SLC39A13: variants seen among roughly 807,000 people sequenced by gnomAD.
The protein encoded by SLC39A13 is zinc transporter ZIP13.
A neutral mutation model predicts 38.7 loss-of-function variants in SLC39A13; 18 were observed. The ratio of observed to expected loss-of-function variants is 0.47; its 90% CI spans 0.32 to 0.69. The LOEUF is 0.69. SLC39A13 is among the 30% of genes least tolerant of loss of function. The probability of loss-of-function intolerance (pLI) is 0.03; values close to 1 mark genes in which losing one functional copy is unlikely to be tolerated. For synonymous variants in SLC39A13, 212 were observed against 219.1 expected (o/e 0.97, Z 0.29); for missense variants, 395 against 490.7 (o/e 0.80, Z 1.84).
chr11:47,415,471 T>C lies in SLC39A13; in HGVS notation c.*108T>C, dbSNP rs775231177. On this transcript the variant is annotated 3_prime_UTR_variant, in exon 10 of 10. Transcript: ENST00000362021. The stretch of plus-strand genomic sequence containing the variant: ...GAGGGCGAGTGGCTGCGAGAGAGAA[T>C]GAGCCTCCCGCCAGACAGGAGGGAG... 2.3e-5 allele frequency: 29 copies of C among 1,280,546 alleles called. No homozygotes were observed. Among genetic ancestry groups the C allele is most frequent in the Admixed American group, 5.3e-5 (3 of 56,450 alleles). 79.3% of individuals were successfully genotyped at this position (1,280,546 alleles called of 1,614,324 possible).
At chr11:47,414,498 C>T (rs942826283) in intron 7 of SLC39A13, 23 bp downstream of exon 7, 1 of 1,609,408 alleles carries the variant, frequency 6.2e-7, no homozygotes, top group East Asian at 2.2e-5. Context: ...AGGGCAGCCC[C>T]CAGGGGCCCA....
chr11:47,409,815 C>T (rs960241494), intron 1 of SLC39A13: 2 of 431,778 alleles, frequency 4.6e-6, no homozygotes, highest in South Asian at 5.2e-5. Context: ...AGCGCCTCAC[C>T]CTGTCATTAG....
rs2096010594 is a variant in SLC39A13 at position 47,413,572 on chromosome 11, G to A, written c.646-25G>A. The A allele has an allele frequency of 1.9e-6, 3 of 1,614,146 alleles. No homozygotes were observed. The South Asian group carries it at 3.3e-5, about 18-fold the overall frequency. ...TGAGTGGCCAGCCCCACTCAGCCCT[G>A]CCTCCTGCCTTCCCTCCTTCCCAGG... is the stretch of plus-strand genomic sequence containing the variant. On this transcript the variant is annotated intron_variant, in intron 5 of 9. Transcript: ENST00000362021.
chr11:47,414,078 C>G, intron 6 of SLC39A13: 1 of 611,742 alleles, frequency 1.6e-6, no homozygotes, highest in Non-Finnish European at 2.9e-6. Context: ...CTTCGAGCGG[C>G]TGACGACTCA....
intron 7 of SLC39A13, 38 bp from the exon 8 acceptor site, chr11:47,414,739 C>T (rs369559443): frequency 1.6e-5 from 26 of 1,601,774 alleles, no homozygotes; most frequent in South Asian, 7.7e-5. Flanking sequence ...CATCAGGCCC[C>T]GCTGGGGCGC....
rs1261737989 is a variant in SLC39A13 at position 47,415,272 on chromosome 11, C to T, written c.1041-16C>T. ...CCCTGCCCATGCCTCCACCGTGAGC[C>T]GTTCCCTCCCCACAGGCGCTCCCTG... On this transcript the variant is annotated splice_polypyrimidine_tract_variant and intron_variant, in intron 9 of 9. Transcript: ENST00000362021. 3.7e-6 allele frequency: 6 copies of T among 1,613,770 alleles called. No homozygotes were observed. The highest frequency in any genetic ancestry group is 2.2e-5 in the South Asian group (2 of 91,084).
intron 6 of SLC39A13, 111 bp downstream of exon 6, chr11:47,413,797 T>A: frequency 1.7e-6 from 2 of 1,176,778 alleles, no homozygotes; most frequent in Non-Finnish European, 2.5e-6. Context: ...CGCCCTCATC[T>A]AAGGCTCTCA....
In SLC39A13 at chr11:47,415,430, A is replaced by C. The variant is rs892179270; in HGVS notation, c.*67A>C. On this transcript the variant is annotated 3_prime_UTR_variant, in exon 10 of 10. Coordinates refer to ENST00000362021, the MANE Select transcript of SLC39A13 (RefSeq NM_001128225.3). ...ATGCTCGGATTCACTCTGTGACCGC[A>C]TATGTGAGAGGCAGAGAGGGCGAGT... is the stretch of plus-strand genomic sequence containing the variant. 3.8e-6 allele frequency: 6 copies of C among 1,567,302 alleles called. No individual in the cohort carries two copies. The highest frequency in any genetic ancestry group is 3.3e-5 in the Admixed American group (2 of 59,926).
Position 47,415,488 on chromosome 11 carries a change from A to T in SLC39A13, c.*125A>T. On this transcript the variant is annotated 3_prime_UTR_variant, in exon 10 of 10. Coordinates refer to ENST00000362021, the MANE Select transcript of SLC39A13 (RefSeq NM_001128225.3). The stretch of plus-strand genomic sequence containing the variant: ...AGAGAGAATGAGCCTCCCGCCAGAC[A>T]GGAGGGAGGTGCGTGTGGATGTATG... 4.7e-6 allele frequency: 5 copies of T among 1,063,208 alleles called. No homozygotes were observed. Among genetic ancestry groups the T allele is most frequent in the Non-Finnish European group, 7.2e-6 (5 of 698,696 alleles). 65.9% of individuals were successfully genotyped at this position (1,063,208 alleles called of 1,614,324 possible). A position where few individuals can be genotyped will look rare whatever the true frequency, so the allele number is the denominator to read the frequency against.
chr11:47,413,311 C>G, intron 4 of SLC39A13, 89 bp from the exon 5 acceptor site: 6 of 1,356,434 alleles, frequency 4.4e-6, no homozygotes, highest in Non-Finnish European at 6.3e-6. Context: ...CAGCCCCCGT[C>G]TCTCTTTCTC....
chr11:47,414,712 T>C (rs919069511), intron 7 of SLC39A13, 65 bp from the exon 8 acceptor site: 28 of 1,596,498 alleles, frequency 1.8e-5, no homozygotes, highest in African/African-American at 2.7e-5. Context: ...GTGTATATCG[T>C]ACCTGAGCAC....
intron 2 of SLC39A13, 90 bp from the exon 3 acceptor site, chr11:47,411,836 C>A: frequency 7.7e-7 from 1 of 1,304,590 alleles, no homozygotes; most frequent in Non-Finnish European, 1.1e-6. Context: ...CCTTGCAGGC[C>A]CAGAAAGAGC....
At position 47,415,044 on chromosome 11, in the gene SLC39A13, T is replaced by C; in HGVS notation, c.925T>C (p.Cys309Arg). 6.2e-7 allele frequency: 1 copy of C among 1,613,216 alleles called. No individual in the cohort carries two copies. The highest frequency in any genetic ancestry group is 8.5e-7 in the Non-Finnish European group (1 of 1,179,668). Residue 309 changes from cysteine (C) to arginine (R), a missense_variant, in exon 9 of 10, where the codon TGT becomes CGT. By Grantham distance (180) the Cys-to-Arg change is radical. Transcript: ENST00000362021. ...ACAGTGCCTTGGGTACCCAGTTGGG[T>C]GTTCTCCCGCTGCAGAGGAGACGGC... ...CTQSPKGVVG[C>R]SPAAEETAAW... is the part of the protein sequence containing the mutation.
chr11:47,414,097 G>A, intron 6 of SLC39A13: 1 of 608,650 alleles, frequency 1.6e-6, no homozygotes, highest in Non-Finnish European at 2.9e-6. Context: ...CATCCTTGGG[G>A]CCTCGACTTA....
At position 47,413,457 on chromosome 11, in the gene SLC39A13, G is replaced by A. The variant is rs1194229755; in HGVS notation, c.595G>A (p.Ala199Thr). ...AAALNGGHCL[A>T]QPAAEPGLGA... Reference sequence around the variant, plus strand: ...CGCGCTCAATGGAGGCCACTGTCTGGCCCAGCCGGCTGCAGAGCCCGGCCT... The same window carrying A: ...CGCGCTCAATGGAGGCCACTGTCTGACCCAGCCGGCTGCAGAGCCCGGCCT... The change falls in exon 5 of 10, where the codon GCC (alanine) becomes ACC (threonine). Residue 199 changes from alanine to threonine, a missense_variant. Coordinates refer to ENST00000362021, the MANE Select transcript of SLC39A13 (RefSeq NM_001128225.3). The A allele has an allele frequency of 1.9e-6, 3 of 1,614,070 alleles. No individual in the cohort carries two copies. The Admixed American group carries it at 5.0e-5, about 27-fold the overall frequency.
intron 2 of SLC39A13, among the ~76,000 whole-genome samples, 190 bp downstream of exon 2, chr11:47,410,585 G>A (rs2095993915): frequency 6.6e-6 from 1 of 152,088 alleles, no homozygotes; most frequent in East Asian, 1.9e-4. Flanking sequence ...GAAGCTATGA[G>A]CACCTGGTAG....
chr11:47,415,280 C>T lies in SLC39A13; in HGVS notation c.1041-8C>T. 1 of 1,613,956 alleles carries T rather than the reference C, an allele frequency of 6.2e-7. No homozygotes were observed. On this transcript the variant is annotated splice_region_variant and splice_polypyrimidine_tract_variant and intron_variant, in intron 9 of 9. Coordinates refer to ENST00000362021, the MANE Select transcript of SLC39A13 (RefSeq NM_001128225.3). ...ATGCCTCCACCGTGAGCCGTTCCCT[C>T]CCCACAGGCGCTCCCTGCAGCAGCT...
rs746465400 is a variant in SLC39A13 at position 47,415,142 on chromosome 11, GGAA to G, written c.1029_1031del (p.Glu344del). ...TGGTGAACGTGCTCCCTGACCTCTT[GGAA>G]GAAGAGGACCCGTGGTGAGTGACCT... On this transcript the variant is annotated inframe_deletion, in exon 9 of 10. Coordinates refer to ENST00000362021, the MANE Select transcript of SLC39A13 (RefSeq NM_001128225.3). The G allele has an allele frequency of 1.2e-6, 2 of 1,612,120 alleles. No homozygotes were observed. Among genetic ancestry groups the G allele is most frequent in the Non-Finnish European group, 8.5e-7 (1 of 1,179,102 alleles).
intron 9 of SLC39A13, 43 bp from the exon 10 acceptor site, chr11:47,415,244 TC>T: frequency 1.2e-6 from 2 of 1,613,256 alleles, no homozygotes; most frequent in Non-Finnish European, 1.7e-6. Flanking sequence ...CGCTGCCTGC[TC>T]CCCCTGCCCA....
Sources: allele counts gnomAD v4.1 joint callset (sites outside exome capture counted in the v4.1 genomes callset), GRCh38; gene constraint gnomAD v4.1.1; transcripts MANE v1.5; gene names NCBI Gene and HGNC (gene_info 2026-07-23, HGNC 2026-07-21).